Variants in ISLR2 observed in about 807,000 individuals in gnomAD.
The protein encoded by ISLR2 is immunoglobulin superfamily containing leucine-rich repeat protein 2.
Under a neutral mutation model 25.5 loss-of-function variants are expected in ISLR2, and 16 were observed. The observed-to-expected ratio is 0.63, with a 90% CI of 0.43 to 0.95. The LOEUF (loss-of-function observed/expected upper bound fraction) is 0.95, where lower values mean the gene tolerates loss of function less well. Among genes scored for constraint, ISLR2 ranks in the 40% least tolerant of loss-of-function variants. The pLI, the probability that ISLR2 is intolerant of heterozygous loss-of-function variation, is 0.00. For missense variants in ISLR2, 883 were observed against 1,030.7 expected (o/e 0.86, Z 1.96); for synonymous variants, 508 against 486.6 (o/e 1.04, Z -0.58).
rs1475190087 is a variant in ISLR2 at position 74,133,221 on chromosome 15, A to G, written c.467A>G (p.Asn156Ser). Residue 156 changes from asparagine to serine, a missense_variant, in exon 3 of 3, where the codon AAC becomes AGC. By Grantham distance (46) the Asn-to-Ser change is conservative. Coordinates refer to ENST00000453268, the MANE Select transcript of ISLR2 (RefSeq NM_020851.3). ...LPDLRSLRIN[N>S]NRLRTLAPGT... ...GACCTGCGTTCCCTGCGCATCAACA[A>G]CAACCGGCTGCGTACGCTGGCGCCT... 3 of 1,612,832 alleles carry G rather than the reference A, an allele frequency of 1.9e-6. No homozygotes were observed. The highest frequency in any genetic ancestry group is 2.5e-6 in the Non-Finnish European group (3 of 1,179,998).
At chr15:74,110,518 A>G (rs2072156973) in intron 2 of ISLR2, among the ~76,000 whole-genome samples, 1 of 152,192 alleles carries the variant, frequency 6.6e-6, no homozygotes. Context: ...ATGAAATACT[A>G]TTCAACAATA....
At chr15:74,114,290 G>T (rs553481756) in intron 2 of ISLR2, among the ~76,000 whole-genome samples, 1 of 152,214 alleles carries the variant, frequency 6.6e-6, no homozygotes, top group Non-Finnish European at 1.5e-5. Context: ...ACTCCATCAT[G>T]GCCACAATTC....
At chr15:74,112,293 T>C (rs2072174140) in intron 2 of ISLR2, among the ~76,000 whole-genome samples, 1 of 152,148 alleles carries the variant, frequency 6.6e-6, no homozygotes, top group African/African-American at 2.4e-5. Flanking sequence ...AGAGTAGAGA[T>C]GCCAGATAAA....
chr15:74,140,552 A>C (rs1258984871), downstream of ISLR2, among the ~76,000 whole-genome samples: 1 of 152,230 alleles, frequency 6.6e-6, no homozygotes, highest in Admixed American at 6.5e-5. Flanking sequence ...GCACAGAGCA[A>C]GGGAAACTGG....
upstream of ISLR2, chr15:74,128,810 C>G: frequency 4.9e-6 from 2 of 410,632 alleles, no homozygotes; most frequent in Non-Finnish European, 9.6e-6. Flanking sequence ...CTCCCAAGAC[C>G]GCCCCCTCAG....
intron 2 of ISLR2, among the ~76,000 whole-genome samples, chr15:74,112,967 ACAG>A (rs2072181208): frequency 6.6e-6 from 1 of 151,916 alleles, no homozygotes; most frequent in Non-Finnish European, 1.5e-5. Flanking sequence ...AGCTGGGACC[ACAG>A]GCACATGCCA....
intron 2 of ISLR2, among the ~76,000 whole-genome samples, chr15:74,117,701 A>G (rs1005147447): frequency 5.3e-5 from 8 of 152,136 alleles, no homozygotes; most frequent in African/African-American, 1.9e-4. Context: ...AAACAAAAGA[A>G]AAAACCACCC....
At position 74,135,283 on chromosome 15, in the gene ISLR2, A is replaced by C; in HGVS notation, c.*291A>C. ...CACCCGCAGACGGTGGGCGATATCTATGTCCCTCCATTCCCGTCGCGATTA... is the reference window on the plus strand; with the variant it reads ...CACCCGCAGACGGTGGGCGATATCTCTGTCCCTCCATTCCCGTCGCGATTA... On this transcript the variant is annotated 3_prime_UTR_variant, in exon 3 of 3. Transcript: ENST00000453268. The C allele has an allele frequency of 7.8e-6, 3 of 383,230 alleles. No individual in the cohort carries two copies. Among genetic ancestry groups the C allele is most frequent in the Non-Finnish European group, 1.0e-5 (2 of 198,414 alleles). 23.7% of individuals were successfully genotyped at this position (383,230 alleles called of 1,614,324 possible).
upstream of ISLR2, among the ~76,000 whole-genome samples, chr15:74,124,740 CAA>C (rs756955943): frequency 6.6e-6 from 1 of 152,026 alleles, no homozygotes; most frequent in East Asian, 1.9e-4. Flanking sequence ...GCCTGAGTAA[CAA>C]GAGTGAGACT....
downstream of ISLR2, among the ~76,000 whole-genome samples, chr15:74,139,190 G>T (rs116934115): frequency 1.3e-5 from 2 of 152,116 alleles, no homozygotes; most frequent in African/African-American, 4.8e-5. Flanking sequence ...AGGCCCAAAG[G>T]CTCCAACCAC....
rs1282230378 is a variant in ISLR2, at chr15:74,136,244, C to T, written c.*1252C>T. On this transcript the variant is annotated 3_prime_UTR_variant, in exon 3 of 3. Coordinates refer to ENST00000453268, the MANE Select transcript of ISLR2 (RefSeq NM_020851.3). ...GCGCCCAACAGCGCCGCTCCCGCGGCTCCACCCGACCCAGACCCTAGCTGG... is the reference window on the plus strand; with the variant it reads ...GCGCCCAACAGCGCCGCTCCCGCGGTTCCACCCGACCCAGACCCTAGCTGG... 7 of 166,612 alleles carry T rather than the reference C, an allele frequency of 4.2e-5. No individual in the cohort carries two copies. The highest frequency in any genetic ancestry group is 4.8e-5 in the African/African-American group (2 of 41,472). The allele number at this position is 166,612 out of a possible 1,614,324, so 10.3% of individuals were successfully genotyped here.
chr15:74,127,781 C>T (rs1184514235), upstream of ISLR2: 1 of 152,382 alleles, frequency 6.6e-6, no homozygotes, highest in Non-Finnish European at 1.5e-5. Flanking sequence ...CAGATCCAAC[C>T]GGTTTCAACC....
chr15:74,106,595 A>G (rs1458884214), intron 2 of ISLR2, among the ~76,000 whole-genome samples: 3 of 152,076 alleles, frequency 2.0e-5, no homozygotes, highest in Admixed American at 6.5e-5. Flanking sequence ...CTAGGCTTCC[A>G]CTGATGGGAT....
At chr15:74,106,789 G>C (rs1366029247) in intron 2 of ISLR2, among the ~76,000 whole-genome samples, 5 of 152,092 alleles carry the variant, frequency 3.3e-5, no homozygotes, top group African/African-American at 1.2e-4. Flanking sequence ...CATCTACTAG[G>C]CTGGGAAACA....
intron 2 of ISLR2, among the ~76,000 whole-genome samples, chr15:74,119,171 A>G (rs914234817): frequency 3.9e-5 from 6 of 152,034 alleles, no homozygotes; most frequent in Admixed American, 6.6e-5. Context: ...TAGTCACCCA[A>G]TAGTGCTAAA....
At chr15:74,139,863 AGT>A (rs10579764), downstream of ISLR2, among the ~76,000 whole-genome samples, 25,486 of 127,626 alleles carry the variant, frequency 0.2, 2,187 homozygotes, top group East Asian at 0.24. Flanking sequence ...CGGCTTGAGG[AGT>A]GTGTGTGTGT....
chr15:74,112,828 CTT>C (rs35655801), intron 2 of ISLR2, among the ~76,000 whole-genome samples: 16 of 130,472 alleles, frequency 1.2e-4, no homozygotes, highest in Admixed American at 3.2e-4. Flanking sequence ...GTGCCCGGCC[CTT>C]TTTTTTTTTT....
At chr15:74,116,953 A>C (rs981707936) in intron 2 of ISLR2, among the ~76,000 whole-genome samples, 1 of 152,222 alleles carries the variant, frequency 6.6e-6, no homozygotes. Context: ...GCATACTCAT[A>C]TCAATTGCAT....
Position 74,133,232 on chromosome 15 carries a change from C to T in ISLR2, c.478C>T (p.Arg160Cys), listed in dbSNP as rs1427295595. The change falls in exon 3 of 3, where the codon CGT (arginine) becomes TGT (cysteine). Residue 160 changes from arginine (R) to cysteine (C), a missense_variant. Around this residue, in one of 2 missense-constraint regions of ISLR2, gnomAD observed 271 missense variants for 387.9 expected, o/e 0.70. Transcript: ENST00000453268. ...CCTGCGCATCAACAACAACCGGCTG[C>T]GTACGCTGGCGCCTGGCACCTTCGA... ...RSLRINNNRL[R>C]TLAPGTFDAL... The T allele has an allele frequency of 1.2e-6, 2 of 1,612,404 alleles. No homozygotes were observed. The highest frequency in any genetic ancestry group is 1.7e-6 in the Non-Finnish European group (2 of 1,180,012).
Sources: allele counts gnomAD v4.1 joint callset (sites outside exome capture counted in the v4.1 genomes callset), GRCh38; gene constraint gnomAD v4.1.1; regional missense constraint gnomAD v4.1.1; transcripts MANE v1.5; gene names NCBI Gene and HGNC (gene_info 2026-07-23, HGNC 2026-07-21).